The following SPIC variants were observed in gnomAD, a reference collection of about 807,000 sequenced individuals.
The protein encoded by SPIC is Spi-C transcription factor, also known as transcription factor Spi-C.
A neutral mutation model predicts 16.7 loss-of-function variants in SPIC; 9 were observed. That is an observed-to-expected ratio of 0.54 (90% CI 0.33 to 0.94). SPIC has a LOEUF of 0.94. Ranked by LOEUF, SPIC falls within the 40% of genes least tolerant of loss-of-function variation. The pLI, the probability that SPIC is intolerant of heterozygous loss-of-function variation, is 0.03. For synonymous variants in SPIC, 97 were observed against 102.9 expected, an observed-to-expected ratio of 0.94 and a Z score of 0.35; for missense variants, 241 against 285.8, an observed-to-expected ratio of 0.84 and a Z score of 1.13.
chr12:101,481,282 G>C (rs1309603673), intron 4 of SPIC, among the ~76,000 whole-genome samples: 1 of 151,900 alleles, frequency 6.6e-6, no homozygotes, highest in Non-Finnish European at 1.5e-5. Flanking sequence ...AAATTCCTGG[G>C]GTCAAGGGAT....
chr12:101,484,794 G>A (rs909499563), intron 5 of SPIC, among the ~76,000 whole-genome samples: 9 of 151,376 alleles, frequency 5.9e-5, no homozygotes, highest in African/African-American at 1.9e-4. Flanking sequence ...CTTGAACCCG[G>A]GAGGCAGAGG....
chr12:101,479,242 AAAAGAAAGAAAGAAGGAAGGAAAG>A (rs1565831185), intron 3 of SPIC, among the ~76,000 whole-genome samples: 1 of 44,982 alleles, frequency 2.2e-5, no homozygotes, highest in Non-Finnish European at 5.5e-5. Flanking sequence ...GAAAGAAAGA[AAAAGAAAGAAAGAAGGAAGGAAAG>A]AAAGAAAGAA....
rs376103421 is a variant in SPIC at position 101,479,732 on chromosome 12, C to T, written c.210+38C>T. The T allele has an allele frequency of 1.7e-5, 24 of 1,443,394 alleles. No homozygotes were observed. In the South Asian group the frequency reaches 2.7e-4, roughly 16 times the overall value. The allele number at this position is 1,443,394 out of a possible 1,614,324, so 89.4% of individuals were successfully genotyped here. A position where few individuals can be genotyped will look rare whatever the true frequency, so the allele number is the denominator to read the frequency against. ...CCATCCCTTAATAACAGGCAAATAT[C>T]CTATTCTTGCCAGCCTTCCATTTCA... On this transcript the variant is annotated intron_variant, in intron 4 of 5. Transcript: ENST00000551346.
At chr12:101,479,883 C>T (rs1288392060) in intron 4 of SPIC, among the ~76,000 whole-genome samples, 189 bp downstream of exon 4, 1 of 145,340 alleles carries the variant, frequency 6.9e-6, no homozygotes, top group Admixed American at 7.1e-5. Flanking sequence ...GTAGCTCAAT[C>T]TCAGCTCACT....
rs764258473 is a variant in SPIC, at chr12:101,479,644, T to C, written c.160T>C (p.Tyr54His). The change falls in exon 4 of 6, where the codon TAT becomes CAT. Residue 54 changes from tyrosine (Y) to histidine (H), a missense_variant. By Grantham distance (83) the Tyr-to-His change is moderately conservative. Transcript: ENST00000551346. ...TCATGTCAAAGGAAATTCCAGCTGC[T>C]ATGGAGTGTTGCCTACAGAGGAGCC... is the stretch of plus-strand genomic sequence containing the variant. ...RPHVKGNSSC[Y>H]GVLPTEEPVY... The C allele has an allele frequency of 1.1e-5, 18 of 1,613,550 alleles. No individual in the cohort carries two copies. The South Asian group carries it at 1.8e-4, about 16-fold the overall frequency.
rs373137341 is a variant in SPIC at position 101,486,376 on chromosome 12, C to G, written c.352C>G (p.His118Asp). 2 of 1,612,706 alleles carry G rather than the reference C, an allele frequency of 1.2e-6. No individual in the cohort carries two copies. The highest frequency in any genetic ancestry group is 1.7e-6 in the Non-Finnish European group (2 of 1,179,408). The change falls in exon 6 of 6, where the codon CAC becomes GAC. Residue 118 changes from histidine to aspartate, a missense_variant. By Grantham distance (81) the His-to-Asp change is moderately conservative. Coordinates refer to ENST00000551346, the MANE Select transcript of SPIC (RefSeq NM_152323.3). ...RKKLRLFEYL[H>D]ESLYNPEMAS... ...GAAGCTCCGACTGTTTGAATACCTT[C>G]ACGAATCCCTGTATAATCCGGAGAT...
chr12:101,486,388 T>C lies in SPIC; in HGVS notation c.364T>C (p.Tyr122His), dbSNP rs143810318. ...RLFEYLHESL[Y>H]NPEMASCIQW... ...GTTTGAATACCTTCACGAATCCCTG[T>C]ATAATCCGGAGATGGCATCTTGTAT... The change falls in exon 6 of 6, where the codon TAT becomes CAT. Residue 122 changes from tyrosine to histidine, a missense_variant. Coordinates refer to ENST00000551346, the MANE Select transcript of SPIC (RefSeq NM_152323.3). 2.0e-5 allele frequency: 33 copies of C among 1,613,774 alleles called. No homozygotes were observed. The African/African-American group carries it at 3.7e-4, about 18-fold the overall frequency.
chr12:101,478,274 G>A (rs935516978), intron 3 of SPIC, among the ~76,000 whole-genome samples: 1 of 151,842 alleles, frequency 6.6e-6, no homozygotes, highest in Admixed American at 6.6e-5. Context: ...CTCGTGATCC[G>A]CCCATCTCGG....
intron 5 of SPIC, among the ~76,000 whole-genome samples, chr12:101,485,233 G>A (rs1237616258): frequency 6.6e-6 from 1 of 152,150 alleles, no homozygotes; most frequent in East Asian, 1.9e-4. Context: ...TTTAGCTACT[G>A]ACAGATCTGG....
Position 101,477,056 on chromosome 12 carries a change from CA to C in SPIC, c.3+151del, listed in dbSNP as rs570338461. On this transcript the variant is annotated intron_variant, in intron 2 of 5. Coordinates refer to ENST00000551346, the MANE Select transcript of SPIC (RefSeq NM_152323.3). ...TAAGGATATGAAATAGTTTGCAAAG[CA>C]ATTCAATTTTAGGTCTTGGAGACAT... 5.9e-4 allele frequency: 261 copies of C among 446,120 alleles called. 1 individual carries two copies. The highest frequency in any genetic ancestry group is 5.0e-3 in the African/African-American group (247 of 49,248). The allele number at this position is 446,120 out of a possible 1,614,324, so 27.6% of individuals were successfully genotyped here.
In SPIC at chr12:101,486,907, A is replaced by G; in HGVS notation, c.*136A>G. ...TTAAAGCAAATACTAAAGAGGAAAA[A>G]AAATTAACTTTATTGTTGCTTTTAT... On this transcript the variant is annotated 3_prime_UTR_variant, in exon 6 of 6. Transcript: ENST00000551346. 1 of 694,034 alleles carries G rather than the reference A, an allele frequency of 1.4e-6. No individual in the cohort carries two copies. The highest frequency in any genetic ancestry group is 1.8e-5 in the African/African-American group (1 of 55,808). 43.0% of individuals were successfully genotyped at this position (694,034 alleles called of 1,614,324 possible). A position where few individuals can be genotyped will look rare whatever the true frequency, so the allele number is the denominator to read the frequency against.
At position 101,486,697 on chromosome 12, in the gene SPIC, A is replaced by G; in HGVS notation, c.673A>G (p.Ser225Gly). Residue 225 changes from serine to glycine, a missense_variant, in exon 6 of 6, where the codon AGT becomes GGT. Transcript: ENST00000551346. Reference protein sequence around the residue: ...QCVQPDQEYLSLNNWNANYNY... With the variant: ...QCVQPDQEYLGLNNWNANYNY... ...TGTTCAACCTGATCAAGAATATCTC[A>G]GTTTAAATAACTGGAATGCAAATTA... 2 of 1,608,334 alleles carry G rather than the reference A, an allele frequency of 1.2e-6. No homozygotes were observed. Among genetic ancestry groups the G allele is most frequent in the Non-Finnish European group, 1.7e-6 (2 of 1,176,386 alleles).
intron 3 of SPIC, among the ~76,000 whole-genome samples, chr12:101,479,282 GAA>G (rs1208437586): frequency 0.093 from 4,571 of 49,036 alleles, 383 homozygotes; most frequent in African/African-American, 0.21. Context: ...AAGAAAGAAA[GAA>G]AAAGAAAGAA....
chr12:101,477,720 G>A, intron 3 of SPIC, 69 bp downstream of exon 3: 2 of 1,358,840 alleles, frequency 1.5e-6, no homozygotes. Flanking sequence ...ACACATATAA[G>A]AATAATGATC....
intron 1 of SPIC, 119 bp downstream of exon 1, chr12:101,475,621 T>C (rs934498608): frequency 1.3e-5 from 2 of 152,204 alleles, no homozygotes; most frequent in African/African-American, 2.4e-5. Flanking sequence ...TAAGCAATCA[T>C]AGTAATCAAT....
chr12:101,484,755 G>C (rs1392421352), intron 5 of SPIC, among the ~76,000 whole-genome samples: 2 of 151,038 alleles, frequency 1.3e-5, no homozygotes, highest in South Asian at 2.1e-4. Flanking sequence ...CAGATCACTC[G>C]AGGTCAGGAG....
intron 5 of SPIC, among the ~76,000 whole-genome samples, chr12:101,483,585 T>C (rs1873276463): frequency 6.6e-6 from 1 of 152,206 alleles, no homozygotes; most frequent in Admixed American, 6.5e-5. Flanking sequence ...TACTAGGTGA[T>C]AGGAATTTTT....
chr12:101,476,873 A>G lies in SPIC; in HGVS notation c.-32A>G. On this transcript the variant is annotated 5_prime_UTR_variant, in exon 2 of 6. The change abolishes the stop of an existing upstream ORF in the 5' untranslated region. Transcript: ENST00000551346. Reference sequence around the variant, plus strand: ...TTATTTTCTTCAAGCAACAATTGCTAAGGAACAGAATTGTCAATTTATTAA... The same window carrying G: ...TTATTTTCTTCAAGCAACAATTGCTGAGGAACAGAATTGTCAATTTATTAA... The G allele has an allele frequency of 7.3e-7, 1 of 1,372,376 alleles. No homozygotes were observed. Among genetic ancestry groups the G allele is most frequent in the Non-Finnish European group, 9.7e-7 (1 of 1,030,368 alleles). 85.0% of individuals were successfully genotyped at this position (1,372,376 alleles called of 1,614,324 possible).
rs1013446165 is a variant in SPIC at position 101,486,879 on chromosome 12, C to A, written c.*108C>A. ...TCCTCTGAAGAAATTTAGGATTTTT[C>A]TCTTAAAGCAAATACTAAAGAGGAA... is the stretch of plus-strand genomic sequence containing the variant. On this transcript the variant is annotated 3_prime_UTR_variant, in exon 6 of 6. Transcript: ENST00000551346. 1.0e-5 allele frequency: 10 copies of A among 977,736 alleles called. No individual in the cohort carries two copies. In the African/African-American group the frequency reaches 1.5e-4, roughly 14 times the overall value. 60.6% of individuals were successfully genotyped at this position (977,736 alleles called of 1,614,324 possible).
Sources: gnomAD v4.1 joint callset for allele counts (sites outside exome capture counted in the v4.1 genomes callset) on GRCh38, gnomAD v4.1.1 for gene constraint, MANE v1.5 for transcripts, NCBI Gene and HGNC (gene_info 2026-07-23, HGNC 2026-07-21) for gene names.